PDZD2: variants seen among roughly 807,000 people sequenced by gnomAD.
PDZD2 encodes the protein PDZ domain containing 2, also known as PDZ domain-containing protein 2.
In PDZD2, 90 loss-of-function variants were observed where a neutral mutation model predicts 220.7. The ratio of observed to expected loss-of-function variants is 0.41; its 90% CI spans 0.34 to 0.49. The LOEUF (loss-of-function observed/expected upper bound fraction) is 0.49, where lower values mean the gene tolerates loss of function less well. PDZD2 is among the 20% of genes least tolerant of loss of function. The pLI is 0.28. For missense variants in PDZD2, 3,174 were observed against 3,608.5 expected (o/e 0.88, Z 3.08); for synonymous variants, 1,375 against 1,450.5 (o/e 0.95, Z 1.18).
At chr5:32,031,413 C>T (rs1198233670) in intron 6 of PDZD2, among the ~76,000 whole-genome samples, 1 of 152,170 alleles carries the variant, frequency 6.6e-6, no homozygotes, top group East Asian at 1.9e-4. Context: ...TTCAAATCCT[C>T]CTTGTTCTTG....
At chr5:31,787,427 A>G (rs907161345) in intron 1 of PDZD2, among the ~76,000 whole-genome samples, 4 of 152,220 alleles carry the variant, frequency 2.6e-5, no homozygotes, top group Non-Finnish European at 5.9e-5. Context: ...AGAAGTAGGT[A>G]GGGAACAGAA....
rs942435552 is a variant in PDZD2, at chr5:31,799,132, A to C, written c.-117A>C. ...GTCCCTAGGCTCATCTGCCAGCCTG[A>C]ACATGAACACAGGCAAAGCTGATGA... On this transcript the variant is annotated 5_prime_UTR_variant, in exon 2 of 25. Coordinates refer to ENST00000438447, the MANE Select transcript of PDZD2 (RefSeq NM_178140.4). 1 of 660,508 alleles carries C rather than the reference A, an allele frequency of 1.5e-6. No individual in the cohort carries two copies. The highest frequency in any genetic ancestry group is 2.6e-6 in the Non-Finnish European group (1 of 383,712). The allele number at this position is 660,508 out of a possible 1,614,324, so 40.9% of individuals were successfully genotyped here. A position where few individuals can be genotyped will look rare whatever the true frequency, so the allele number is the denominator to read the frequency against.
chr5:32,019,433 G>A (rs113614173), intron 6 of PDZD2, among the ~76,000 whole-genome samples: 1,874 of 152,166 alleles, frequency 0.012, 30 homozygotes, highest in African/African-American at 0.041. Flanking sequence ...CGTGAGCCAC[G>A]TTTCCCAGCC....
chr5:31,822,555 A>T (rs1755952544), intron 2 of PDZD2: 2 of 823,722 alleles, frequency 2.4e-6, no homozygotes, highest in Non-Finnish European at 3.8e-6. Flanking sequence ...CAACTCTTAG[A>T]TCTTATTAAT....
intron 1 of PDZD2, among the ~76,000 whole-genome samples, chr5:31,695,734 TG>T (rs1272099758): frequency 6.6e-6 from 1 of 152,166 alleles, no homozygotes; most frequent in Non-Finnish European, 1.5e-5. Context: ...TCTTTTTATT[TG>T]GGTGTAATAA....
At chr5:32,004,234 A>AG (rs745563704) in intron 5 of PDZD2, among the ~76,000 whole-genome samples, 69 of 152,320 alleles carry the variant, frequency 4.5e-4, no homozygotes, top group Non-Finnish European at 7.4e-4. Context: ...TGCATGTACC[A>AG]GGTGCCCACA....
chr5:31,995,658 C>A lies in PDZD2; in HGVS notation c.1061C>A (p.Ser354Ter). The change falls in exon 4 of 25, where the codon TCA becomes TAA. Residue 354 changes from serine (S) to a stop codon, truncating the protein, a stop_gained. Coordinates refer to ENST00000438447, the MANE Select transcript of PDZD2 (RefSeq NM_178140.4). LOFTEE classifies it high-confidence loss of function. ...LGIQVSGGRG[S>*]KRSPHAIVVT... ...ATTCAGGTTAGTGGAGGCCGAGGAT[C>A]AAAGCGCTCACCTCACGCTATCGTT... The A allele has an allele frequency of 6.2e-7, 1 of 1,614,090 alleles. No homozygotes were observed. The highest frequency in any genetic ancestry group is 8.5e-7 in the Non-Finnish European group (1 of 1,180,010).
chr5:31,881,046 C>T (rs1400645026), intron 2 of PDZD2, among the ~76,000 whole-genome samples: 1 of 151,688 alleles, frequency 6.6e-6, no homozygotes, highest in Non-Finnish European at 1.5e-5. Context: ...GTGATACGCC[C>T]GCCTAGGCCT....
chr5:31,961,925 TTTTTTTACCC>T (rs1239779003), intron 2 of PDZD2, among the ~76,000 whole-genome samples: 3 of 19,072 alleles, frequency 1.6e-4, no homozygotes, highest in Non-Finnish European at 5.7e-4. Flanking sequence ...CTCAGCTGCT[TTTTTTTACCC>T]TTTCCCTCCC....
intron 20 of PDZD2, among the ~76,000 whole-genome samples, chr5:32,092,071 C>T (rs1743207614): frequency 6.6e-6 from 1 of 152,114 alleles, no homozygotes; most frequent in South Asian, 2.1e-4. Context: ...GTGAGGAGTT[C>T]AAGACCAGCC....
At chr5:31,871,823 A>ATTTGTT (rs1290022630) in intron 2 of PDZD2, among the ~76,000 whole-genome samples, 3 of 149,788 alleles carry the variant, frequency 2.0e-5, no homozygotes, top group Non-Finnish European at 4.4e-5. Flanking sequence ...TTTTGTTTGT[A>ATTTGTT]TTTGTTTTTG....
rs79644955 is a variant in PDZD2 at position 31,980,481 on chromosome 5, G to T, written c.477-2674G>T. Among the ~76,000 whole-genome samples the T allele has an allele frequency of 6.8e-3, 1,031 of 152,290 alleles. 13 individuals carry two copies. The highest frequency in any genetic ancestry group is 0.023 in the African/African-American group (964 of 41,556). ...CTGTCAGGTGTGATGGAAAACTGTT[G>T]CCATTGTTTTAATGTTAGGTCAAAG... On this transcript the variant is annotated intron_variant, in intron 2 of 24. Coordinates refer to ENST00000438447, the MANE Select transcript of PDZD2 (RefSeq NM_178140.4).
chr5:31,912,966 T>TTCTTTTTATATGAAAAAAGG (rs1743338009), intron 2 of PDZD2, among the ~76,000 whole-genome samples: 1 of 152,264 alleles, frequency 6.6e-6, no homozygotes, highest in East Asian at 1.9e-4. Context: ...TGAAAAACAT[T>TTCTTTTTATATGAAAAAAGG]GCATCCTTCT....
intron 2 of PDZD2, among the ~76,000 whole-genome samples, chr5:31,883,216 CTTT>C (rs58100064): frequency 0.024 from 2,293 of 94,436 alleles, 21 homozygotes; most frequent in African/African-American, 0.053. Context: ...AGCATGCTAC[CTTT>C]TTTTTTTTTT....
At chr5:31,735,372 C>T (rs1248251916) in intron 1 of PDZD2, among the ~76,000 whole-genome samples, 4 of 152,094 alleles carry the variant, frequency 2.6e-5, no homozygotes, top group African/African-American at 7.2e-5. Context: ...GATCTCGATG[C>T]TTTTTTAAAA....
chr5:31,661,826 G>A (rs1745780101), intron 1 of PDZD2, among the ~76,000 whole-genome samples: 1 of 146,900 alleles, frequency 6.8e-6, no homozygotes, highest in African/African-American at 2.5e-5. Context: ...AGATATTCAG[G>A]GGCAAAAAGG....
intron 14 of PDZD2, among the ~76,000 whole-genome samples, chr5:32,064,001 C>A (rs2112355282): frequency 6.6e-6 from 1 of 152,302 alleles, no homozygotes; most frequent in Admixed American, 6.5e-5. Context: ...TAAGAGCCCA[C>A]TAATTTTTTT....
At chr5:31,958,294 C>T (rs1315672130) in intron 2 of PDZD2, among the ~76,000 whole-genome samples, 2 of 151,770 alleles carry the variant, frequency 1.3e-5, no homozygotes, top group Non-Finnish European at 2.9e-5. Context: ...CACTCTTTTG[C>T]CCAGGCTGGA....
chr5:32,076,619 TA>T (rs1741329246), intron 18 of PDZD2, among the ~76,000 whole-genome samples: 1 of 152,228 alleles, frequency 6.6e-6, no homozygotes, highest in South Asian at 2.1e-4. Context: ...CTACTTGATT[TA>T]AATTGAAGTG....
Sources: gnomAD v4.1 joint callset for allele counts (sites outside exome capture counted in the v4.1 genomes callset) on GRCh38, gnomAD v4.1.1 for gene constraint, MANE v1.5 for transcripts, NCBI Gene and HGNC (gene_info 2026-07-23, HGNC 2026-07-21) for gene names.